The following POM121C variants were observed in gnomAD, a reference collection of about 807,000 sequenced individuals.
The protein encoded by POM121C is nuclear envelope pore membrane protein POM 121C.
Under a neutral mutation model 66.4 loss-of-function variants are expected in POM121C, and 20 were observed. That is an observed-to-expected ratio of 0.30 (90% CI 0.21 to 0.44). The LOEUF (loss-of-function observed/expected upper bound fraction) is 0.44, where lower values mean the gene tolerates loss of function less well. Among genes scored for constraint, POM121C ranks in the 20% least tolerant of loss-of-function variants. The probability of loss-of-function intolerance (pLI) is 1.00; values close to 1 mark genes in which losing one functional copy is unlikely to be tolerated. For missense variants in POM121C, 580 were observed against 1,225.7 expected, an observed-to-expected ratio of 0.47 and a Z score of 7.87; for synonymous variants, 286 against 528.0, an observed-to-expected ratio of 0.54 and a Z score of 6.28.
At position 75,422,143 on chromosome 7, in the gene POM121C, G is replaced by T; in HGVS notation, c.2109C>A (p.Pro703=). The stretch of plus-strand genomic sequence containing the variant: ...CCTCAGCGGCCCCAAATGCGGGCTG[G>T]GGGTTGGCTCCCGGATATGATGGGA... ...SPLPSYPGAN[P]QPAFGAAEGQ... The change falls in exon 13 of 15, where the codon CCC becomes CCA. Residue 703 remains proline (P), a synonymous_variant. Coordinates refer to ENST00000615331, the MANE Select transcript of POM121C (RefSeq NM_001099415.3). The T allele has an allele frequency of 1.2e-6, 2 of 1,601,306 alleles. No homozygotes were observed. The highest frequency in any genetic ancestry group is 1.7e-5 in the Admixed American group (1 of 59,486).
intron 3 of POM121C, chr7:75,442,294 G>C: frequency 6.9e-7 from 1 of 1,445,804 alleles, no homozygotes; most frequent in African/African-American, 1.5e-5. Flanking sequence ...GCAGGTCCTG[G>C]CCCTCCGGAG....
intron 1 of POM121C, among the ~76,000 whole-genome samples, chr7:75,483,911 G>C (rs1792406608): frequency 6.6e-6 from 1 of 152,002 alleles, no homozygotes; most frequent in South Asian, 2.1e-4. Context: ...GACCAACCTG[G>C]CCAACATAGT....
chr7:75,460,403 G>A (rs1292122163), intron 3 of POM121C, among the ~76,000 whole-genome samples: 1 of 152,050 alleles, frequency 6.6e-6, no homozygotes, highest in Non-Finnish European at 1.5e-5. Context: ...TCGGGAGGCT[G>A]AGGTGAGAGA....
At chr7:75,432,549 G>A (rs1456674718) in intron 7 of POM121C, among the ~76,000 whole-genome samples, 13 of 152,160 alleles carry the variant, frequency 8.5e-5, no homozygotes, top group African/African-American at 2.9e-4. Context: ...AAGCATGATG[G>A]GGAGTGGGCA....
chr7:75,448,048 A>C (rs1361380339), intron 3 of POM121C, among the ~76,000 whole-genome samples: 65 of 151,034 alleles, frequency 4.3e-4, no homozygotes, highest in Non-Finnish European at 6.5e-4. Flanking sequence ...AACCAACCAA[A>C]CAAACAAACA....
At chr7:75,474,078 C>T (rs587693939) in intron 3 of POM121C, among the ~76,000 whole-genome samples, 12 of 152,262 alleles carry the variant, frequency 7.9e-5, no homozygotes, top group Admixed American at 3.9e-4. Context: ...TTATGTCAGA[C>T]TTCTGAATGC....
chr7:75,466,293 G>A (rs1472128622), intron 3 of POM121C, among the ~76,000 whole-genome samples: 4 of 151,008 alleles, frequency 2.6e-5, no homozygotes, highest in Non-Finnish European at 5.9e-5. Context: ...AAAACAAGCA[G>A]AAAGAAGGAA....
In POM121C at chr7:75,486,110, TC is replaced by T. The variant is rs1291420612; in HGVS notation, c.-705del. 4 of 355,528 alleles carry T rather than the reference TC, an allele frequency of 1.1e-5. No homozygotes were observed. The highest frequency in any genetic ancestry group is 9.2e-5 in the African/African-American group (4 of 43,684). The allele number at this position is 355,528 out of a possible 1,614,324, so 22.0% of individuals were successfully genotyped here. ...GCGCCGCCGGCTCCGGGGTTCACGC[TC>T]GGGGGTCCCAGCTCGAGCCTCTACC... On this transcript the variant is annotated 5_prime_UTR_variant, in exon 1 of 15. Coordinates refer to ENST00000615331, the MANE Select transcript of POM121C (RefSeq NM_001099415.3).
In POM121C at chr7:75,430,441, G is replaced by A. The variant is rs1182389673; in HGVS notation, c.481-3988C>T. Among the ~76,000 whole-genome samples the A allele has an allele frequency of 5.9e-5, 9 of 152,006 alleles. No homozygotes were observed. The South Asian group carries it at 6.2e-4, about 11-fold the overall frequency. On this transcript the variant is annotated intron_variant, in intron 7 of 14. Coordinates refer to ENST00000615331, the MANE Select transcript of POM121C (RefSeq NM_001099415.3). ...TTCAATAAATGTTGCTGAGAGAAAT[G>A]GGTATTTCTATAGTAAAAAACAAAC...
At chr7:75,462,885 T>C (rs1476848386) in intron 3 of POM121C, among the ~76,000 whole-genome samples, 3 of 151,958 alleles carry the variant, frequency 2.0e-5, no homozygotes, top group African/African-American at 7.3e-5. Flanking sequence ...GACCTGCCCT[T>C]GTGTACTATG....
chr7:75,418,593 G>A lies in POM121C; in HGVS notation c.*203C>T, dbSNP rs1169078805. On this transcript the variant is annotated 3_prime_UTR_variant, in exon 15 of 15. Transcript: ENST00000615331. ...TAGAGGTCCCGGGCTTTGGCCCTCC[G>A]CATCCTGCTTCCCCTTCCCTGAGGC... 9.2e-6 allele frequency: 12 copies of A among 1,308,264 alleles called. No homozygotes were observed. Among genetic ancestry groups the A allele is most frequent in the East Asian group, 5.8e-5 (2 of 34,272 alleles). The allele number at this position is 1,308,264 out of a possible 1,614,324, so 81.0% of individuals were successfully genotyped here.
At chr7:75,440,861 G>T in intron 5 of POM121C, 93 bp downstream of exon 5, 2 of 1,604,444 alleles carry the variant, frequency 1.2e-6, no homozygotes, top group Non-Finnish European at 1.7e-6. Flanking sequence ...TCACAAACTG[G>T]ACGTGGCCTC....
At chr7:75,449,709 A>C (rs1227037368) in intron 3 of POM121C, among the ~76,000 whole-genome samples, 6 of 151,996 alleles carry the variant, frequency 3.9e-5, no homozygotes, top group Non-Finnish European at 7.4e-5. Context: ...GGTGTCCTTA[A>C]AGAACAGGAA....
chr7:75,439,992 T>C lies in POM121C; in HGVS notation c.228-768A>G, dbSNP rs587642357. Among the ~76,000 whole-genome samples, 109 of 151,320 alleles carry C rather than the reference T, an allele frequency of 7.2e-4. 1 individual carries two copies. In the South Asian group the frequency reaches 0.022, roughly 31 times the overall value. On this transcript the variant is annotated intron_variant, in intron 5 of 14. Coordinates refer to ENST00000615331, the MANE Select transcript of POM121C (RefSeq NM_001099415.3). ...GCCTCCTGGGTTCAAGCAGTTCTCC[T>C]GTCTCAGCCTCTGGAGTAGCTGGGA...
At chr7:75,429,814 A>T (rs1554472136) in intron 7 of POM121C, among the ~76,000 whole-genome samples, 1 of 152,136 alleles carries the variant, frequency 6.6e-6, no homozygotes, top group Non-Finnish European at 1.5e-5. Flanking sequence ...AAAGTTTGAG[A>T]CCAGCCTAGG....
At chr7:75,431,062 G>A (rs1393409750) in intron 7 of POM121C, among the ~76,000 whole-genome samples, 6 of 107,920 alleles carry the variant, frequency 5.6e-5, no homozygotes, top group African/African-American at 1.1e-4. Flanking sequence ...GTGACAGAGC[G>A]AGACTCTGTC....
chr7:75,437,092 T>C (rs1249790849), intron 7 of POM121C, among the ~76,000 whole-genome samples: 3 of 152,246 alleles, frequency 2.0e-5, no homozygotes, highest in Non-Finnish European at 2.9e-5. Flanking sequence ...GGACTCAGTC[T>C]ACCTTTCGAA....
intron 10 of POM121C, 130 bp from the exon 11 acceptor site, chr7:75,424,758 A>T: frequency 7.3e-7 from 1 of 1,375,038 alleles, no homozygotes; most frequent in South Asian, 1.2e-5. Context: ...CAGGAGTTTG[A>T]GGCTGGCCTG....
chr7:75,456,136 G>A (rs1226266677), intron 3 of POM121C, among the ~76,000 whole-genome samples: 1 of 152,198 alleles, frequency 6.6e-6, no homozygotes, highest in Admixed American at 6.5e-5. Context: ...CTACTCAGGA[G>A]GCTGAGGCAG....
Sources: allele counts gnomAD v4.1 joint callset (sites outside exome capture counted in the v4.1 genomes callset), GRCh38; gene constraint gnomAD v4.1.1; transcripts MANE v1.5; gene names NCBI Gene and HGNC (gene_info 2026-07-23, HGNC 2026-07-21).